The following NOC2L variants were observed in gnomAD, a reference collection of about 807,000 sequenced individuals.
NOC2L encodes the protein NOC2 like nucleolar associated transcriptional repressor.
In NOC2L, 101 loss-of-function variants were observed where a neutral mutation model predicts 94.2. The observed-to-expected ratio is 1.07, with a 90% confidence interval of 0.91 to 1.26. The LOEUF is 1.26. NOC2L is among the 50% of genes most tolerant of loss of function. The pLI, the probability that NOC2L is intolerant of heterozygous loss-of-function variation, is 0.00. For synonymous variants in NOC2L, 531 were observed against 413.4 expected, an observed-to-expected ratio of 1.28 and a Z score of -3.45; for missense variants, 1,076 against 980.1, an observed-to-expected ratio of 1.10 and a Z score of -1.31.
rs547844970 is a variant in NOC2L, at chr1:944,363, C to T, written c.*331G>A. On this transcript the variant is annotated 3_prime_UTR_variant, in exon 19 of 19. Coordinates refer to ENST00000327044, the MANE Select transcript of NOC2L (RefSeq NM_015658.4). ...GGTGCAGATGGACGAGGTCTGCAGA[C>T]GGAGGGCAGAGGTGGTGGAAGGGGC... 2.3e-4 allele frequency: 310 copies of T among 1,359,106 alleles called. No individual in the cohort carries two copies. Among genetic ancestry groups the T allele is most frequent in the South Asian group, 9.1e-4 (46 of 50,624 alleles). 84.2% of individuals were successfully genotyped at this position (1,359,106 alleles called of 1,614,324 possible).
In NOC2L at chr1:951,994, A is replaced by G; in HGVS notation, c.1331+6T>C. 6.2e-7 allele frequency: 1 copy of G among 1,610,588 alleles called. No homozygotes were observed. Among genetic ancestry groups the G allele is most frequent in the Non-Finnish European group, 8.5e-7 (1 of 1,178,510 alleles). On this transcript the variant is annotated splice_donor_region_variant and intron_variant, in intron 11 of 18. Coordinates refer to ENST00000327044, the MANE Select transcript of NOC2L (RefSeq NM_015658.4). ...CCCGCACAACCCTGCCCACCCCACA[A>G]CTCACTTGATACAGCCAATGATGAC...
intron 2 of NOC2L, chr1:957,528 C>T (rs1420380035): frequency 1.4e-5 from 7 of 489,706 alleles, no homozygotes; most frequent in Non-Finnish European, 2.2e-5. Flanking sequence ...CACAGGCCCC[C>T]AGCCGCGGTC....
At chr1:949,516 G>A (rs1642197606) in intron 12 of NOC2L, among the ~76,000 whole-genome samples, 1 of 152,226 alleles carries the variant, frequency 6.6e-6, no homozygotes, top group African/African-American at 2.4e-5. Context: ...CTTTGTTTTA[G>A]CTTTTAGGGT....
Position 944,772 on chromosome 1 carries a change from C to A in NOC2L, c.2172G>T (p.Leu724=), listed in dbSNP as rs759536816. The change falls in exon 19 of 19, where the codon CTG becomes CTT. Residue 724 remains leucine, a synonymous_variant. Coordinates refer to ENST00000327044, the MANE Select transcript of NOC2L (RefSeq NM_015658.4). ...EDGDPDAEAG[L]APGELQQLAQ... is the part of the protein sequence containing the mutation. Reference sequence around the variant, plus strand: ...CCAGCTGCTGCAGCTCCCCAGGGGCCAGCCCCGCCTCTGCGTCTGGGTCTC... The same window carrying A: ...CCAGCTGCTGCAGCTCCCCAGGGGCAAGCCCCGCCTCTGCGTCTGGGTCTC... The A allele has an allele frequency of 1.3e-6, 2 of 1,597,590 alleles. No homozygotes were observed. Among genetic ancestry groups the A allele is most frequent in the South Asian group, 2.2e-5 (2 of 90,672 alleles).
chr1:954,852 A>T (rs528810870), intron 6 of NOC2L, among the ~76,000 whole-genome samples: 2 of 151,882 alleles, frequency 1.3e-5, no homozygotes, highest in Non-Finnish European at 2.9e-5. Flanking sequence ...AAAACCAAAC[A>T]AACAAAACAA....
rs143278708 is a variant in NOC2L at position 948,503 on chromosome 1, T to C, written c.1544A>G (p.Glu515Gly). 3.0e-4 allele frequency: 476 copies of C among 1,612,736 alleles called. No homozygotes were observed. The highest frequency in any genetic ancestry group is 3.8e-4 in the Non-Finnish European group (448 of 1,179,372). Residue 515 changes from glutamate (E) to glycine (G), a missense_variant, in exon 13 of 19, where the codon GAG (glutamate) becomes GGG (glycine). Coordinates refer to ENST00000327044, the MANE Select transcript of NOC2L (RefSeq NM_015658.4). The part of the protein sequence containing the change: ...ILKLSNVNLQ[E>G]KAYRDGLVEQ... Reference sequence around the variant, plus strand: ...GGCCAGCCTCACCCGGTACGCCTTCTCCTGCAGGTTGACATTGGACAGCTT... The same window carrying C: ...GGCCAGCCTCACCCGGTACGCCTTCCCCTGCAGGTTGACATTGGACAGCTT...
rs574581485 is a variant in NOC2L, at chr1:956,881, G to C, written c.486+13C>G. ...CCTGGGCACCCAGCTGCCCGCCCCTGGCTGCTGCTCACCTTTGCTGCCTGC... is the reference window on the plus strand; with the variant it reads ...CCTGGGCACCCAGCTGCCCGCCCCTCGCTGCTGCTCACCTTTGCTGCCTGC... On this transcript the variant is annotated intron_variant, in intron 4 of 18. Transcript: ENST00000327044. The C allele has an allele frequency of 2.5e-6, 4 of 1,612,932 alleles. No homozygotes were observed. The highest frequency in any genetic ancestry group is 3.3e-5 in the Admixed American group (2 of 60,000).
At position 945,581 on chromosome 1, in the gene NOC2L, A is replaced by G. The variant is rs754659814; in HGVS notation, c.1990T>C (p.Phe664Leu). Residue 664 changes from phenylalanine (F) to leucine (L), a missense_variant, in exon 17 of 19, where the codon TTT becomes CTT. Physicochemically the swap from Phe to Leu is conservative, Grantham distance 22. Transcript: ENST00000327044. The part of the protein sequence containing the change: ...ADRKDEDRKQ[F>L]KDLFDLNSSE... ...CTGTTCAGGTCAAAGAGGTCTTTAAATTGCTTCCTGTCCTCATCCTTCCTG... is the reference window on the plus strand; with the variant it reads ...CTGTTCAGGTCAAAGAGGTCTTTAAGTTGCTTCCTGTCCTCATCCTTCCTG... The G allele has an allele frequency of 4.3e-6, 7 of 1,613,934 alleles. No individual in the cohort carries two copies. Among genetic ancestry groups the G allele is most frequent in the Non-Finnish European group, 5.9e-6 (7 of 1,179,972 alleles).
Position 958,966 on chromosome 1 carries a change from G to T in NOC2L, c.142C>A (p.Arg48=), listed in dbSNP as rs1277317990. ...AETREAREAA[R]SPDKPGGSPS... is the part of the protein sequence containing the mutation. ...CTCCCGCCCGGCTTATCCGGACTCC[G>T]GGCAGCCTCGCGTGCTTCCCGTGTC... Residue 48 remains arginine (R), a synonymous_variant, in exon 2 of 19, where the codon CGG becomes AGG. Coordinates refer to ENST00000327044, the MANE Select transcript of NOC2L (RefSeq NM_015658.4). 2.5e-6 allele frequency: 4 copies of T among 1,612,614 alleles called. No individual in the cohort carries two copies. Among genetic ancestry groups the T allele is most frequent in the Non-Finnish European group, 2.5e-6 (3 of 1,179,960 alleles).
At chr1:948,292 C>T in intron 13 of NOC2L, 60 bp from the exon 14 acceptor site, 2 of 1,389,388 alleles carry the variant, frequency 1.4e-6, no homozygotes, top group Non-Finnish European at 2.0e-6. Flanking sequence ...GGCACTCAGG[C>T]CCCTTCCCCT....
Position 945,314 on chromosome 1 carries a change from C to G in NOC2L, c.2054-168G>C, listed in dbSNP as rs563727574. ...AACTGGGAGGTCACAGGCCTGGGGA[C>G]AGAGTTACCAATCCCAGTAGGCCTT... On this transcript the variant is annotated intron_variant, in intron 17 of 18. Transcript: ENST00000327044. 8.1e-5 allele frequency: 79 copies of G among 981,224 alleles called. 1 individual carries two copies. The Middle Eastern group carries it at 1.3e-3, about 16-fold the overall frequency. The allele number at this position is 981,224 out of a possible 1,614,324, so 60.8% of individuals were successfully genotyped here. A position where few individuals can be genotyped will look rare whatever the true frequency, so the allele number is the denominator to read the frequency against.
At position 944,434 on chromosome 1, in the gene NOC2L, T is replaced by C. The variant is rs938223834; in HGVS notation, c.*260A>G. ...CCTGGAACTGGGACTGGTCTCGGTC[T>C]GCTGACGTCAGGGTCAGCTCCCCCG... is the stretch of plus-strand genomic sequence containing the variant. On this transcript the variant is annotated 3_prime_UTR_variant, in exon 19 of 19. Transcript: ENST00000327044. The C allele has an allele frequency of 6.9e-6, 7 of 1,021,782 alleles. No homozygotes were observed. In the African/African-American group the frequency reaches 1.0e-4, roughly 15 times the overall value. 63.3% of individuals were successfully genotyped at this position (1,021,782 alleles called of 1,614,324 possible). A position where few individuals can be genotyped will look rare whatever the true frequency, so the allele number is the denominator to read the frequency against.
At chr1:957,376 GC>G in intron 2 of NOC2L, 103 bp from the exon 3 acceptor site, 1 of 1,133,504 alleles carries the variant, frequency 8.8e-7, no homozygotes, top group Non-Finnish European at 1.3e-6. Flanking sequence ...TTACCAACTA[GC>G]AAGACAGGAT....
rs769575058 is a variant in NOC2L, at chr1:953,838, T to C, written c.832A>G (p.Ser278Gly). 1.2e-6 allele frequency: 2 copies of C among 1,613,060 alleles called. No individual in the cohort carries two copies. The highest frequency in any genetic ancestry group is 2.2e-5 in the South Asian group (2 of 91,084). ...TVLAAVLRHI[S>G]VLVPCFLTFP... The stretch of plus-strand genomic sequence containing the variant: ...GTCAGGAAGCAGGGCACCAGCACGC[T>C]GATGTGCCGCAGCACGGCCGCCAAC... The change falls in exon 8 of 19, where the codon AGC becomes GGC. Residue 278 changes from serine (S) to glycine (G), a missense_variant. This residue lies in a region of NOC2L where 457 missense variants were observed against 386.0 expected (regional missense o/e 1.18). Transcript: ENST00000327044.
At chr1:949,189 C>T (rs555982809) in intron 12 of NOC2L, among the ~76,000 whole-genome samples, 25 of 152,222 alleles carry the variant, frequency 1.6e-4, no homozygotes, top group Admixed American at 5.2e-4. Context: ...GTCAGCCTGG[C>T]CTCTCAGTCT....
intron 6 of NOC2L, 32 bp from the exon 7 acceptor site, chr1:954,114 G>A: frequency 1.2e-6 from 2 of 1,606,452 alleles, no homozygotes; most frequent in Middle Eastern, 1.7e-4. Flanking sequence ...CTGGCTGGGA[G>A]GCCCCACGGC....
At position 945,986 on chromosome 1, in the gene NOC2L, T is replaced by A; in HGVS notation, c.1917+187A>T. Among the ~76,000 whole-genome samples, 1 of 152,168 alleles carries A rather than the reference T, an allele frequency of 6.6e-6. No homozygotes were observed. The highest frequency in any genetic ancestry group is 2.1e-4 in the South Asian group (1 of 4,834). On this transcript the variant is annotated intron_variant, in intron 16 of 18. Transcript: ENST00000327044. ...ACCTAGTGCAGCCTGGGGCTTCCCCTCCCTGGAAACGCCTGGTTCTGGCCA... is the reference window on the plus strand; with the variant it reads ...ACCTAGTGCAGCCTGGGGCTTCCCCACCCTGGAAACGCCTGGTTCTGGCCA...
At chr1:947,990 C>T (rs1376664939) in intron 14 of NOC2L, 141 bp downstream of exon 14, 1 of 679,206 alleles carries the variant, frequency 1.5e-6, no homozygotes, top group Non-Finnish European at 2.6e-6. Context: ...AAGGGGGCCT[C>T]ACGGGGCGCG....
chr1:957,326 G>T, intron 2 of NOC2L, 53 bp from the exon 3 acceptor site: 1 of 1,569,374 alleles, frequency 6.4e-7, no homozygotes, highest in Non-Finnish European at 8.7e-7. Context: ...AGAGGGGGCG[G>T]GGAGTGGCCT....
Sources: gnomAD v4.1 joint callset for allele counts (sites outside exome capture counted in the v4.1 genomes callset) on GRCh38, gnomAD v4.1.1 for gene constraint, gnomAD v4.1.1 regional missense constraint, MANE v1.5 for transcripts, NCBI Gene and HGNC (gene_info 2026-07-23, HGNC 2026-07-21) for gene names.